The following MAGI2 variants were observed in gnomAD, a reference collection of about 807,000 sequenced individuals.
MAGI2 encodes membrane-associated guanylate kinase, WW and PDZ domain-containing protein 2.
In MAGI2, 35 loss-of-function variants were observed where a neutral mutation model predicts 133.3. The observed-to-expected ratio is 0.26, with a 90% confidence interval of 0.20 to 0.35. MAGI2 has a LOEUF of 0.35. Among genes scored for constraint, MAGI2 ranks in the 10% least tolerant of loss-of-function variants. MAGI2 has a pLI of 1.00. For missense variants in MAGI2, 1,636 were observed against 1,863.4 expected (o/e 0.88, Z 2.25); for synonymous variants, 729 against 710.6 (o/e 1.03, Z -0.41).
At chr7:78,114,607 G>A (rs1275989538) in intron 20 of MAGI2, among the ~76,000 whole-genome samples, 4 of 152,244 alleles carry the variant, frequency 2.6e-5, no homozygotes, top group Non-Finnish European at 5.9e-5. Flanking sequence ...TGGGTCCTGA[G>A]GAAGATAAAA....
At chr7:78,890,443 C>A (rs1796646748) in intron 2 of MAGI2, among the ~76,000 whole-genome samples, 1 of 152,130 alleles carries the variant, frequency 6.6e-6, no homozygotes, top group Non-Finnish European at 1.5e-5. Flanking sequence ...AGAACCACAC[C>A]ACACCTATTC....
chr7:78,328,529 A>ACACACACACACACACACACACACAC (rs1408831333), intron 9 of MAGI2, among the ~76,000 whole-genome samples: 2 of 99,772 alleles, frequency 2.0e-5, no homozygotes, highest in African/African-American at 7.6e-5. Context: ...ACACACACAC[A>ACACACACACACACACACACACACAC]CCCCTCTCTC....
chr7:78,187,764 C>A lies in MAGI2; in HGVS notation c.2270-2094G>T, dbSNP rs1827830327. Among the ~76,000 whole-genome samples the A allele has an allele frequency of 4.6e-5, 7 of 152,276 alleles. No individual in the cohort carries two copies. The South Asian group carries it at 1.5e-3, about 32-fold the overall frequency. On this transcript the variant is annotated intron_variant, in intron 12 of 21. Transcript: ENST00000354212. ...TTTTGTCTGTATGAGGGATGGAAGACTGCTACCTTCGAAACGCTTCCATTA... is the reference window on the plus strand; with the variant it reads ...TTTTGTCTGTATGAGGGATGGAAGAATGCTACCTTCGAAACGCTTCCATTA...
At chr7:79,174,173 G>C (rs1325175522) in intron 1 of MAGI2, among the ~76,000 whole-genome samples, 1 of 151,840 alleles carries the variant, frequency 6.6e-6, no homozygotes, top group Non-Finnish European at 1.5e-5. Context: ...CTCTTACTGT[G>C]GGTTGTGCTC....
chr7:79,436,944 C>A (rs970364596), intron 1 of MAGI2, among the ~76,000 whole-genome samples: 1 of 152,148 alleles, frequency 6.6e-6, no homozygotes, highest in Non-Finnish European at 1.5e-5. Context: ...TGGAATCAAC[C>A]TATATTCCCA....
At chr7:78,393,314 T>C (rs1029042920) in intron 6 of MAGI2, among the ~76,000 whole-genome samples, 3 of 152,154 alleles carry the variant, frequency 2.0e-5, no homozygotes, top group Non-Finnish European at 4.4e-5. Flanking sequence ...CTGGAGCTAG[T>C]GATGCAAAGC....
At chr7:79,032,215 G>A (rs975807285) in intron 1 of MAGI2, among the ~76,000 whole-genome samples, 12 of 151,986 alleles carry the variant, frequency 7.9e-5, no homozygotes, top group Admixed American at 7.2e-4. Flanking sequence ...TTTTGGCTTC[G>A]ATCAATATAA....
At chr7:78,714,123 T>C (rs929454661) in intron 2 of MAGI2, among the ~76,000 whole-genome samples, 17 of 150,986 alleles carry the variant, frequency 1.1e-4, no homozygotes, top group Middle Eastern at 3.4e-3. Context: ...TAAATATGAA[T>C]AGTGTACATA....
chr7:78,779,974 A>C (rs1826268605), intron 2 of MAGI2, among the ~76,000 whole-genome samples: 1 of 152,252 alleles, frequency 6.6e-6, no homozygotes, highest in Non-Finnish European at 1.5e-5. Flanking sequence ...TTTTTACTGC[A>C]CTATGCTGCC....
intron 1 of MAGI2, among the ~76,000 whole-genome samples, chr7:79,417,713 T>A (rs988166182): frequency 1.3e-5 from 2 of 151,680 alleles, no homozygotes; most frequent in Non-Finnish European, 2.9e-5. Flanking sequence ...TTGTCCAGGC[T>A]GCAGTTGTGA....
chr7:78,629,990 A>G (rs1202602830), intron 2 of MAGI2, among the ~76,000 whole-genome samples: 1 of 151,888 alleles, frequency 6.6e-6, no homozygotes, highest in African/African-American at 2.4e-5. Flanking sequence ...TTAAATAAAT[A>G]TTTTATTTGT....
intron 3 of MAGI2, among the ~76,000 whole-genome samples, chr7:78,603,424 A>T (rs1805426630): frequency 6.6e-6 from 1 of 152,218 alleles, no homozygotes; most frequent in South Asian, 2.1e-4. Flanking sequence ...TGAGACAACA[A>T]GACCTGTATG....
chr7:78,237,338 T>C (rs1790657598), intron 10 of MAGI2, among the ~76,000 whole-genome samples: 1 of 152,216 alleles, frequency 6.6e-6, no homozygotes, highest in Non-Finnish European at 1.5e-5. Flanking sequence ...TGAGGGTACA[T>C]GTGCAGGTTT....
intron 2 of MAGI2, among the ~76,000 whole-genome samples, chr7:78,699,715 G>A (rs1817874400): frequency 6.6e-6 from 1 of 152,092 alleles, no homozygotes; most frequent in African/African-American, 2.4e-5. Context: ...ATAACATTAA[G>A]TCAGTATCTT....
intron 2 of MAGI2, among the ~76,000 whole-genome samples, chr7:78,867,571 T>C (rs1342911427): frequency 2.0e-5 from 3 of 148,044 alleles, no homozygotes; most frequent in Non-Finnish European, 3.0e-5. Context: ...GGGATAGCAT[T>C]GGGAGATATA....
At chr7:79,188,636 TAAAC>T (rs2129550955) in intron 1 of MAGI2, among the ~76,000 whole-genome samples, 1 of 151,964 alleles carries the variant, frequency 6.6e-6, no homozygotes, top group South Asian at 2.1e-4. Context: ...ATATATATAA[TAAAC>T]AATCACTGAG....
intron 1 of MAGI2, among the ~76,000 whole-genome samples, chr7:79,430,949 T>C (rs997697456): frequency 6.6e-6 from 1 of 152,216 alleles, no homozygotes; most frequent in African/African-American, 2.4e-5. Flanking sequence ...AGATGCCTTC[T>C]GCAGTTAAAT....
intron 2 of MAGI2, among the ~76,000 whole-genome samples, chr7:78,783,012 C>CTTTTTTTTTTTTTTTTTT (rs11432048): frequency 6.2e-5 from 6 of 96,232 alleles, no homozygotes; most frequent in African/African-American, 8.6e-5. Context: ...TGATTCTTAC[C>CTTTTTTTTTTTTTTTTTT]TTTTTTTTTT....
intron 6 of MAGI2, among the ~76,000 whole-genome samples, chr7:78,471,287 A>G (rs1314329491): frequency 5.9e-5 from 9 of 152,246 alleles, no homozygotes; most frequent in Admixed American, 5.9e-4. Flanking sequence ...GAATGGAGCT[A>G]TATTTTCTTA....
Sources: gnomAD v4.1 joint callset for allele counts (sites outside exome capture counted in the v4.1 genomes callset) on GRCh38, gnomAD v4.1.1 for gene constraint, MANE v1.5 for transcripts, NCBI Gene and HGNC (gene_info 2026-07-23, HGNC 2026-07-21) for gene names.